Variants in RDX observed in about 807,000 individuals in gnomAD.
RDX encodes radixin.
A neutral mutation model predicts 83.7 loss-of-function variants in RDX; 32 were observed. The observed-to-expected ratio is 0.38, with a 90% confidence interval of 0.29 to 0.51. The LOEUF is 0.51. RDX is among the 20% of genes least tolerant of loss of function. The pLI is 0.87. For synonymous variants in RDX, 229 were observed against 222.7 expected, an observed-to-expected ratio of 1.03 and a Z score of -0.25; for missense variants, 600 against 689.9, an observed-to-expected ratio of 0.87 and a Z score of 1.46.
At chr11:110,263,232 T>C (rs1565321981) in intron 5 of RDX, 1 of 150,210 alleles carries the variant, frequency 6.7e-6, no homozygotes, top group Non-Finnish European at 1.5e-5. Flanking sequence ...CGAGCTGAGA[T>C]TGCACCACTG....
chr11:110,193,550 TAAA>T (rs1213071679), intron 15 of RDX, among the ~76,000 whole-genome samples: 1 of 151,934 alleles, frequency 6.6e-6, no homozygotes, highest in East Asian at 1.9e-4. Flanking sequence ...CAAAATAGAA[TAAA>T]CTATTTTCTC....
At position 110,247,800 on chromosome 11, in the gene RDX, T is replaced by A. The variant is rs1859171248; in HGVS notation, c.993A>T (p.Glu331Asp). 1.3e-6 allele frequency: 2 copies of A among 1,584,736 alleles called. No homozygotes were observed. Among genetic ancestry groups the A allele is most frequent in the East Asian group, 4.5e-5 (2 of 44,092 alleles). Reference protein sequence around the residue: ...AQLENEKKKREIAEKEKERIE... With the variant: ...AQLENEKKKRDIAEKEKERIE... Reference sequence around the variant, plus strand: ...TTCTTTCCTTTTCCTTTTCTGCTATTTCTCTTTTCTTCTTTTCATTCTCTA... The same window carrying A: ...TTCTTTCCTTTTCCTTTTCTGCTATATCTCTTTTCTTCTTTTCATTCTCTA... Residue 331 changes from glutamate (E) to aspartate (D), a missense_variant, in exon 10 of 14, where the codon GAA (glutamate) becomes GAT (aspartate). Transcript: ENST00000645495.
intron 14 of RDX, among the ~76,000 whole-genome samples, chr11:110,207,497 G>A (rs1292448971): frequency 1.3e-5 from 2 of 152,152 alleles, no homozygotes; most frequent in Non-Finnish European, 1.5e-5. Context: ...CAGACAGAAA[G>A]ACACAGCACT....
intron 12 of RDX, 180 bp from the exon 13 acceptor site, chr11:110,233,659 A>G (rs1591133469): frequency 3.0e-6 from 2 of 665,060 alleles, no homozygotes; most frequent in Admixed American, 5.6e-5. Flanking sequence ...CAAAAACATT[A>G]TTATGCAAAC....
At chr11:110,209,136 G>T (rs1347402857) in intron 14 of RDX, among the ~76,000 whole-genome samples, 2 of 152,168 alleles carry the variant, frequency 1.3e-5, no homozygotes, top group Admixed American at 1.3e-4. Flanking sequence ...TGCGCGCACC[G>T]TGCGCGAGCT....
chr11:110,288,268 C>T (rs1005023868), intron 1 of RDX: 6 of 152,118 alleles, frequency 3.9e-5, no homozygotes, highest in African/African-American at 1.2e-4. Context: ...AAGTTTTACA[C>T]TGAGTTTAGG....
chr11:110,259,316 T>C lies in RDX; in HGVS notation c.468-1127A>G, dbSNP rs575587584. ...CAACATGATTATAAGTTACCTACTA[T>C]GCACACTACAGTTTGTGACTTCTAT... is the stretch of plus-strand genomic sequence containing the variant. On this transcript the variant is annotated intron_variant, in intron 5 of 13. Transcript: ENST00000645495. Among the ~76,000 whole-genome samples the C allele has an allele frequency of 2.0e-4, 31 of 152,348 alleles. 1 individual carries two copies. In the South Asian group the frequency reaches 5.0e-3, roughly 24 times the overall value.
rs1863876409 is a variant in RDX, at chr11:110,212,527, AAC to A, written c.1749-12851_1749-12850del. On this transcript the variant is annotated intron_variant, in intron 14 of 15. Coordinates refer to the RDX transcript ENST00000528498. ...TGATACCAAAGCCGGGCAGAGACAC[AAC>A]CAAAAAAGAGAATTTTAGACCAATA... 9.6e-5 allele frequency among the ~76,000 whole-genome samples: 5 copies of A among 52,174 alleles called. 1 individual carries two copies. Among genetic ancestry groups the A allele is most frequent in the South Asian group, 7.2e-4 (1 of 1,382 alleles). The allele number at this position is 52,174 out of a possible 152,430, so 34.2% of individuals were successfully genotyped here. A position where few individuals can be genotyped will look rare whatever the true frequency, so the allele number is the denominator to read the frequency against.
intron 15 of RDX, among the ~76,000 whole-genome samples, chr11:110,184,723 G>A (rs7124163): frequency 0.019 from 2,829 of 152,258 alleles, 100 homozygotes; most frequent in African/African-American, 0.064. Flanking sequence ...CACAGAGGCT[G>A]GAGTGAAGGA....
intron 3 of RDX, among the ~76,000 whole-genome samples, chr11:110,267,750 G>A (rs1860116991): frequency 6.6e-6 from 1 of 151,322 alleles, no homozygotes; most frequent in African/African-American, 2.4e-5. Context: ...GAGCTCAGGA[G>A]TTTCAGAACA....
At chr11:110,262,237 C>G (rs1458766135) in intron 5 of RDX, among the ~76,000 whole-genome samples, 1 of 152,092 alleles carries the variant, frequency 6.6e-6, no homozygotes, top group Non-Finnish European at 1.5e-5. Context: ...CTATCCTTTT[C>G]CAAGGTGACT....
chr11:110,190,582 A>G (rs1304204797), intron 15 of RDX, among the ~76,000 whole-genome samples: 2 of 152,242 alleles, frequency 1.3e-5, no homozygotes, highest in African/African-American at 4.8e-5. Context: ...GCAGGAGAAA[A>G]GAAATAACTA....
At chr11:110,187,168 A>AC (rs1863004283) in intron 15 of RDX, among the ~76,000 whole-genome samples, 1 of 152,006 alleles carries the variant, frequency 6.6e-6, no homozygotes, top group African/African-American at 2.4e-5. Flanking sequence ...TCTCTACTCT[A>AC]CCCCCAGACA....
chr11:110,285,508 G>A (rs1860945664), intron 1 of RDX, among the ~76,000 whole-genome samples: 1 of 152,138 alleles, frequency 6.6e-6, no homozygotes, highest in South Asian at 2.1e-4. Flanking sequence ...AAGGTCAGGA[G>A]TTCGAGACCA....
intron 8 of RDX, 109 bp downstream of exon 8, chr11:110,255,178 TGG>T: frequency 1.6e-6 from 1 of 641,640 alleles, no homozygotes; most frequent in East Asian, 2.8e-5. Context: ...GGAAAGAGAA[TGG>T]TCCTCAGAAG....
intron 5 of RDX, among the ~76,000 whole-genome samples, chr11:110,261,947 C>T (rs1859825378): frequency 6.6e-6 from 1 of 151,964 alleles, no homozygotes; most frequent in Admixed American, 6.6e-5. Flanking sequence ...TGCTGCTCAA[C>T]CAAACAGCAA....
chr11:110,272,476 G>A (rs1860344506), intron 3 of RDX, 60 bp downstream of exon 3: 1 of 1,068,896 alleles, frequency 9.4e-7, no homozygotes. Context: ...CAGAGAAAGA[G>A]GTATGCAACA....
Position 110,232,088 on chromosome 11 carries a change from T to G in RDX, c.1588-55A>C, listed in dbSNP as rs549814610. ...ATTTTTTTCTTAGATTTAAAAAAAT[T>G]TATGAAAATGGCTTTAAGATGCAAA... On this transcript the variant is annotated intron_variant, in intron 13 of 13. Coordinates refer to ENST00000645495, the MANE Select transcript of RDX (RefSeq NM_002906.4). 3.6e-5 allele frequency: 51 copies of G among 1,403,024 alleles called. No individual in the cohort carries two copies. In the African/African-American group the frequency reaches 5.8e-4, roughly 16 times the overall value. 86.9% of individuals were successfully genotyped at this position (1,403,024 alleles called of 1,614,324 possible).
downstream of RDX, among the ~76,000 whole-genome samples, chr11:110,227,504 T>C (rs182791867): frequency 1.2e-4 from 18 of 152,254 alleles, no homozygotes; most frequent in Non-Finnish European, 2.5e-4. Flanking sequence ...TAAGTTGCAC[T>C]GATAGAAGCA....
Sources: allele counts gnomAD v4.1 joint callset (sites outside exome capture counted in the v4.1 genomes callset), GRCh38; gene constraint gnomAD v4.1.1; transcripts MANE v1.5; gene names NCBI Gene and HGNC (gene_info 2026-07-23, HGNC 2026-07-21).